EPM2A: variants seen among roughly 807,000 people sequenced by gnomAD.
EPM2A encodes the protein EPM2A glucan phosphatase, laforin.
A neutral mutation model predicts 26.5 loss-of-function variants in EPM2A; 21 were observed. The observed-to-expected ratio is 0.79, with a 90% CI of 0.56 to 1.14. The LOEUF (loss-of-function observed/expected upper bound fraction) is 1.14. Among genes scored for constraint, EPM2A ranks in the 50% most tolerant of loss-of-function variants. EPM2A has a pLI of 0.00. For missense variants in EPM2A, 458 were observed against 440.8 expected, an observed-to-expected ratio of 1.04 and a Z score of -0.35; for synonymous variants, 217 against 177.6, an observed-to-expected ratio of 1.22 and a Z score of -1.76.
chr6:145,684,255 G>T (rs576420822), intron 2 of EPM2A, among the ~76,000 whole-genome samples: 1 of 152,100 alleles, frequency 6.6e-6, no homozygotes, highest in South Asian at 2.1e-4. Context: ...AAATCCAAGA[G>T]GTCCAACATC....
chr6:145,556,926 A>G (rs138334273), intron 2 of EPM2A, among the ~76,000 whole-genome samples: 113 of 152,242 alleles, frequency 7.4e-4, no homozygotes, highest in African/African-American at 2.6e-3. Context: ...GAAATATCAT[A>G]CACGATCATG....
In EPM2A at chr6:145,465,471, G is replaced by A. The variant is rs146342591; in HGVS notation, c.555+37051C>T. Reference sequence around the variant, plus strand: ...GTCTGAAGCCTTCTTCTCTCAGCTCGTCAAAGTCATTCTCCATCCAGCTTT... The same window carrying A: ...GTCTGAAGCCTTCTTCTCTCAGCTCATCAAAGTCATTCTCCATCCAGCTTT... On this transcript the variant is annotated intron_variant, in intron 4 of 4. Coordinates refer to the EPM2A transcript ENST00000638717. 4.7e-3 allele frequency among the ~76,000 whole-genome samples: 716 copies of A among 152,090 alleles called. 23 individuals carry two copies. In the East Asian group the frequency reaches 0.086, roughly 18 times the overall value.
chr6:145,471,893 T>C (rs757238809), intron 4 of EPM2A, among the ~76,000 whole-genome samples: 7 of 151,780 alleles, frequency 4.6e-5, no homozygotes, highest in Non-Finnish European at 8.8e-5. Context: ...TAGGGAGGCA[T>C]GTTACCTACT....
At chr6:145,435,470 AC>A (rs1490200298) in intron 4 of EPM2A, among the ~76,000 whole-genome samples, 1 of 150,240 alleles carries the variant, frequency 6.7e-6, no homozygotes, top group African/African-American at 2.4e-5. Context: ...TTCATGTAAT[AC>A]TTTCACCATA....
intron 4 of EPM2A, among the ~76,000 whole-genome samples, chr6:145,476,241 AATAT>A (rs1414115088): frequency 5.3e-5 from 8 of 152,100 alleles, no homozygotes; most frequent in African/African-American, 1.9e-4. Flanking sequence ...AACAATTTTA[AATAT>A]ATATGCACCC....
At chr6:145,731,395 C>G (rs920109517) in intron 1 of EPM2A, among the ~76,000 whole-genome samples, 1 of 152,076 alleles carries the variant, frequency 6.6e-6, no homozygotes, top group Non-Finnish European at 1.5e-5. Context: ...GGAGAAAAAT[C>G]AATAGAATAA....
At chr6:145,536,367 C>A (rs910768354) in intron 2 of EPM2A, among the ~76,000 whole-genome samples, 2 of 152,070 alleles carry the variant, frequency 1.3e-5, no homozygotes, top group African/African-American at 4.8e-5. Context: ...GCAATCTTGG[C>A]TAACTGCAAC....
intron 2 of EPM2A, among the ~76,000 whole-genome samples, chr6:145,673,641 C>T (rs547506512): frequency 1.2e-4 from 18 of 152,288 alleles, no homozygotes; most frequent in East Asian, 5.8e-4. Flanking sequence ...CCTAGCTCGG[C>T]GGGTCCCATG....
intron 2 of EPM2A, among the ~76,000 whole-genome samples, chr6:145,564,487 A>G (rs1251390152): frequency 6.6e-6 from 1 of 152,204 alleles, no homozygotes; most frequent in African/African-American, 2.4e-5. Context: ...TTGAGAAATC[A>G]CCTGACTGGC....
intron 2 of EPM2A, among the ~76,000 whole-genome samples, chr6:145,681,773 C>A (rs1332742323): frequency 6.6e-6 from 1 of 152,122 alleles, no homozygotes; most frequent in African/African-American, 2.4e-5. Context: ...TGTAGTCTCT[C>A]TATGGAGACA....
chr6:145,589,867 G>T (rs1781247099), intron 2 of EPM2A, among the ~76,000 whole-genome samples: 2 of 139,908 alleles, frequency 1.4e-5, no homozygotes, highest in Non-Finnish European at 1.5e-5. Flanking sequence ...GGAGCAGGAG[G>T]CCAATGAAAA....
chr6:145,450,344 C>T (rs1779180251), intron 4 of EPM2A, among the ~76,000 whole-genome samples: 1 of 135,908 alleles, frequency 7.4e-6, no homozygotes, highest in African/African-American at 2.7e-5. Flanking sequence ...CAGTGAGACT[C>T]CGTCTCAAAA....
At position 145,685,144 on chromosome 6, in the gene EPM2A, A is replaced by G. The variant is rs1183486187; in HGVS notation, c.476+978T>C. ...GTTGGCAATTGCTTTCAAATTTTAA[A>G]TAATCGAAGTGTGAAAGACATTTAT... On this transcript the variant is annotated intron_variant, in intron 2 of 3. Coordinates refer to ENST00000367519, the MANE Select transcript of EPM2A (RefSeq NM_005670.4). Among the ~76,000 whole-genome samples the G allele has an allele frequency of 2.0e-5, 3 of 152,338 alleles. No individual in the cohort carries two copies. The East Asian group carries it at 5.8e-4, about 29-fold the overall frequency.
chr6:145,414,212 C>T (rs1388129452), intron 4 of EPM2A, among the ~76,000 whole-genome samples: 1 of 152,068 alleles, frequency 6.6e-6, no homozygotes, highest in Non-Finnish European at 1.5e-5. Flanking sequence ...TTTTTGCTGT[C>T]CTGGATAGCT....
At chr6:145,560,284 C>A (rs1304194740) in intron 2 of EPM2A, among the ~76,000 whole-genome samples, 1 of 152,120 alleles carries the variant, frequency 6.6e-6, no homozygotes, top group Non-Finnish European at 1.5e-5. Flanking sequence ...GAAATCCAAT[C>A]ATCAGAAATG....
chr6:145,591,759 T>C (rs1781276323), intron 2 of EPM2A, among the ~76,000 whole-genome samples: 1 of 151,966 alleles, frequency 6.6e-6, no homozygotes, highest in Non-Finnish European at 1.5e-5. Flanking sequence ...AAGGAAGAGA[T>C]ACATTTGTTA....
In EPM2A at chr6:145,694,017, G is replaced by A. The variant is rs538416138; in HGVS notation, c.302-7721C>T. Among the ~76,000 whole-genome samples the A allele has an allele frequency of 7.2e-5, 11 of 151,772 alleles. No individual in the cohort carries two copies. The East Asian group carries it at 9.7e-4, about 13-fold the overall frequency. On this transcript the variant is annotated intron_variant, in intron 1 of 3. Coordinates refer to ENST00000367519, the MANE Select transcript of EPM2A (RefSeq NM_005670.4). ...ATAGTTCTATAAGTTTGAGAGTTTC[G>A]GTTAAAATATGTGTATTTCTTAATA... is the stretch of plus-strand genomic sequence containing the variant.
At position 145,625,778 on chromosome 6, in the gene EPM2A, T is replaced by C; in HGVS notation, c.*1638A>G. The C allele has an allele frequency of 7.5e-7, 1 of 1,336,894 alleles. No individual in the cohort carries two copies. The highest frequency in any genetic ancestry group is 1.1e-6 in the Non-Finnish European group (1 of 935,606). The allele number at this position is 1,336,894 out of a possible 1,614,324, so 82.8% of individuals were successfully genotyped here. The stretch of plus-strand genomic sequence containing the variant: ...TAAGTGCCACAGTTCTATCTCCCCG[T>C]CCTCTGAGCTCCACTGAAACTTACC... On this transcript the variant is annotated 3_prime_UTR_variant, in exon 4 of 4. Transcript: ENST00000367519.
intron 1 of EPM2A, among the ~76,000 whole-genome samples, chr6:145,707,843 G>C (rs1367484077): frequency 6.6e-6 from 1 of 152,200 alleles, no homozygotes; most frequent in Non-Finnish European, 1.5e-5. Flanking sequence ...TTTAAAATGT[G>C]AAAGTGACTT....
Sources: allele counts gnomAD v4.1 joint callset (sites outside exome capture counted in the v4.1 genomes callset), GRCh38; gene constraint gnomAD v4.1.1; transcripts MANE v1.5; gene names NCBI Gene and HGNC (gene_info 2026-07-23, HGNC 2026-07-21).